Variants in EPN2 observed in about 807,000 individuals in gnomAD.
The protein encoded by EPN2 is epsin-2.
Under a neutral mutation model 61.7 loss-of-function variants are expected in EPN2, and 34 were observed. The ratio of observed to expected loss-of-function variants is 0.55; its 90% CI spans 0.42 to 0.73. EPN2 has a LOEUF of 0.73. Among genes scored for constraint, EPN2 ranks in the 30% least tolerant of loss-of-function variants. The pLI is 0.00. For missense variants in EPN2, 714 were observed against 839.2 expected, an observed-to-expected ratio of 0.85 and a Z score of 1.84; for synonymous variants, 349 against 353.6, an observed-to-expected ratio of 0.99 and a Z score of 0.15.
chr17:19,253,067 A>T (rs2045031959), intron 1 of EPN2, among the ~76,000 whole-genome samples: 2 of 152,196 alleles, frequency 1.3e-5, no homozygotes. Flanking sequence ...TTGTGCCACT[A>T]TCTAGTTTCA....
rs76097317 is a variant in EPN2, at chr17:19,240,617, G to C, written c.-294+3086G>C. Among the ~76,000 whole-genome samples, 991 of 152,208 alleles carry C rather than the reference G, an allele frequency of 6.5e-3. 53 individuals carry two copies. The East Asian group carries it at 0.12, about 18-fold the overall frequency. On this transcript the variant is annotated intron_variant, in intron 1 of 10. Transcript: ENST00000314728. ...AGTTTGTATCCCTTTTTTGTCTGCT[G>C]GACTTTTAACTCATGTATTCGGTGT...
intron 7 of EPN2, 72 bp from the exon 8 acceptor site, chr17:19,328,639 C>A: frequency 7.1e-7 from 1 of 1,411,276 alleles, no homozygotes; most frequent in Admixed American, 2.2e-5. Flanking sequence ...TGGCAGTATC[C>A]TTTTCCCTTC....
At position 19,334,105 on chromosome 17, in the gene EPN2, A is replaced by G. The variant is rs116062595; in HGVS notation, c.1777A>G (p.Met593Val). 1.2e-3 allele frequency: 1,989 copies of G among 1,608,924 alleles called. 28 individuals carry two copies. In the African/African-American group the frequency reaches 0.024, roughly 19 times the overall value. Residue 593 changes from methionine (M) to valine (V), a missense_variant, in exon 11 of 11, where the codon ATG becomes GTG. Around this residue, in one of 2 missense-constraint regions of EPN2, gnomAD observed 410 missense variants for 421.8 expected, o/e 0.97. Coordinates refer to ENST00000314728, the MANE Select transcript of EPN2 (RefSeq NM_014964.5). This position sits in a 1 kb window ranked among gnomAD's most constrained non-coding sequence, Gnocchi z 4.9. ...AGTGGAGTCCATGGCTGTGGCCTCG[A>G]TGACCTCCGCGGCCCCACAGCCAGC... Reference protein sequence around the residue: ...PGVESMAVASMTSAAPQPALG... With the variant: ...PGVESMAVASVTSAAPQPALG...
intron 1 of EPN2, chr17:19,249,615 C>T (rs1047947744): frequency 6.6e-6 from 1 of 152,262 alleles, no homozygotes; most frequent in Non-Finnish European, 1.5e-5. Flanking sequence ...TAGTCCTTGC[C>T]CTTGACTCTG....
chr17:19,284,752 C>T (rs1352392625), intron 3 of EPN2, among the ~76,000 whole-genome samples: 1 of 152,196 alleles, frequency 6.6e-6, no homozygotes, highest in Non-Finnish European at 1.5e-5. Flanking sequence ...TTCGATTTGA[C>T]ATTGTACCGC....
At chr17:19,266,862 T>G (rs747600287) in intron 1 of EPN2, among the ~76,000 whole-genome samples, 51 of 151,120 alleles carry the variant, frequency 3.4e-4, no homozygotes, top group Non-Finnish European at 5.0e-4. Context: ...AATAGAATAC[T>G]GGTACATAAT....
intron 4 of EPN2, chr17:19,308,670 C>T (rs1598012987): frequency 1.0e-6 from 1 of 985,266 alleles, no homozygotes; most frequent in Admixed American, 6.2e-5. Flanking sequence ...GGCAAGGAAC[C>T]ATCTAAAGCA....
chr17:19,300,886 G>A (rs1480104621), intron 4 of EPN2, among the ~76,000 whole-genome samples: 4 of 152,184 alleles, frequency 2.6e-5, no homozygotes, highest in African/African-American at 4.8e-5. Context: ...GTAACAAAAC[G>A]GATGGACCCC....
At position 19,331,983 on chromosome 17, in the gene EPN2, C is replaced by T; in HGVS notation, c.1542C>T (p.Gly514=). 1 of 1,614,080 alleles carries T rather than the reference C, an allele frequency of 6.2e-7. No homozygotes were observed. Among genetic ancestry groups the T allele is most frequent in the Non-Finnish European group, 8.5e-7 (1 of 1,180,028 alleles). The change falls in exon 10 of 11, where the codon GGC becomes GGT. Residue 514 remains glycine (G), a synonymous_variant. Transcript: ENST00000314728. Reference sequence around the variant, plus strand: ...GGAAAACACCTGAGTCCTTCCTGGGCCCCAACGCGGCCCTGGTGAACCTGG... The same window carrying T: ...GGAAAACACCTGAGTCCTTCCTGGGTCCCAACGCGGCCCTGGTGAACCTGG... ...SARKTPESFL[G]PNAALVNLDS... is the part of the protein sequence containing the mutation.
At chr17:19,262,722 T>TA (rs1407959026) in intron 1 of EPN2, among the ~76,000 whole-genome samples, 2 of 151,316 alleles carry the variant, frequency 1.3e-5, no homozygotes, top group African/African-American at 4.8e-5. Flanking sequence ...AGCAACCCTG[T>TA]ACCCATTAAG....
intron 7 of EPN2, among the ~76,000 whole-genome samples, chr17:19,314,972 C>T (rs955062336): frequency 2.0e-5 from 3 of 152,188 alleles, no homozygotes; most frequent in African/African-American, 4.8e-5. Context: ...ATTAAACTGT[C>T]GGATAGTTGT....
At chr17:19,324,590 C>G (rs1324053079) in intron 7 of EPN2, among the ~76,000 whole-genome samples, 1 of 152,168 alleles carries the variant, frequency 6.6e-6, no homozygotes, top group Non-Finnish European at 1.5e-5. Context: ...ACCTCGGCCT[C>G]CCAGAGAGCT....
intron 4 of EPN2, among the ~76,000 whole-genome samples, chr17:19,304,488 G>A (rs1246511453): frequency 6.6e-6 from 1 of 152,196 alleles, no homozygotes; most frequent in African/African-American, 2.4e-5. Context: ...CCTGTTCCTC[G>A]GAGGCCTGGG....
intron 1 of EPN2, among the ~76,000 whole-genome samples, chr17:19,240,335 C>T (rs1194909373): frequency 1.3e-5 from 2 of 152,080 alleles, no homozygotes; most frequent in African/African-American, 4.8e-5. Context: ...AAACCTCTGC[C>T]TCCTGGGTTC....
chr17:19,301,182 C>T (rs1905493632), intron 4 of EPN2, among the ~76,000 whole-genome samples: 1 of 152,082 alleles, frequency 6.6e-6, no homozygotes, highest in Admixed American at 6.5e-5. Flanking sequence ...CCTCCATGGT[C>T]CCATGGCAGT....
chr17:19,276,989 G>A (rs1384607916), intron 1 of EPN2, among the ~76,000 whole-genome samples: 1 of 152,116 alleles, frequency 6.6e-6, no homozygotes, highest in East Asian at 1.9e-4. Context: ...GCATTTGCAT[G>A]TGCATTAGTT....
At chr17:19,330,146 T>G (rs1370217614) in intron 9 of EPN2, among the ~76,000 whole-genome samples, 1 of 152,168 alleles carries the variant, frequency 6.6e-6, no homozygotes, top group African/African-American at 2.4e-5. Context: ...ATCAGGTGGA[T>G]GCAGTGGGCC....
chr17:19,255,589 C>T (rs1297112860), intron 1 of EPN2, among the ~76,000 whole-genome samples: 1 of 137,302 alleles, frequency 7.3e-6, no homozygotes, highest in Non-Finnish European at 1.5e-5. Flanking sequence ...TTTTAAGTGC[C>T]AGTGCTTGGC....
At chr17:19,297,915 G>A (rs549147646) in intron 4 of EPN2, among the ~76,000 whole-genome samples, 1 of 152,246 alleles carries the variant, frequency 6.6e-6, no homozygotes, top group Non-Finnish European at 1.5e-5. Flanking sequence ...TTGAGACAGA[G>A]TCTCACTCTG....
Sources: gnomAD v4.1 joint callset for allele counts (sites outside exome capture counted in the v4.1 genomes callset) on GRCh38, gnomAD v4.1.1 for gene constraint, gnomAD v4.1.1 regional missense constraint, Gnocchi (gnomAD v3.1) non-coding constraint, MANE v1.5 for transcripts, NCBI Gene and HGNC (gene_info 2026-07-23, HGNC 2026-07-21) for gene names.